ANOS1: variants seen among roughly 807,000 people sequenced by gnomAD.
ANOS1 encodes the protein anosmin-1.
ANOS1 carries 6 observed loss-of-function variants against 59.0 expected under a neutral mutation model. The observed-to-expected ratio is 0.10, with a 90% CI of 0.06 to 0.20. The LOEUF is 0.20. ANOS1 is among the 10% of genes least tolerant of loss of function. The pLI is 1.00. For missense variants in ANOS1, 433 were observed against 542.3 expected (o/e 0.80, Z 2.00); for synonymous variants, 217 against 223.4 (o/e 0.97, Z 0.25).
chrX:8,561,349 G>A lies in ANOS1; in HGVS notation c.1207+6883C>T, dbSNP rs189355961. Among the ~76,000 whole-genome samples the A allele has an allele frequency of 6.0e-3, 665 of 109,934 alleles. 4 individuals are homozygous for A. Among genetic ancestry groups the A allele is most frequent in the Non-Finnish European group, 9.8e-3 (517 of 52,715 alleles). On this transcript the variant is annotated intron_variant, in intron 8 of 13. Coordinates refer to ENST00000262648, the MANE Select transcript of ANOS1 (RefSeq NM_000216.4). Reference sequence around the variant, plus strand: ...GAGTCTCGCTTTGTCACCCAGGCTCGAGTGCAGTGGTGCGATCTCGGCTCA... The same window carrying A: ...GAGTCTCGCTTTGTCACCCAGGCTCAAGTGCAGTGGTGCGATCTCGGCTCA...
intron 10 of ANOS1, among the ~76,000 whole-genome samples, chrX:8,538,476 T>C (rs1929632521): frequency 8.9e-6 from 1 of 112,021 alleles, no homozygotes; most frequent in South Asian, 3.7e-4. Flanking sequence ...GCTCAGCAAA[T>C]AGTTGTTACC....
chrX:8,550,477 G>A (rs1416877096), intron 9 of ANOS1, among the ~76,000 whole-genome samples: 1 of 111,225 alleles, frequency 9.0e-6, no homozygotes, highest in Non-Finnish European at 1.9e-5. Flanking sequence ...AGTTTTTGTG[G>A]AAATCGAAAA....
In ANOS1 at chrX:8,541,519, C is replaced by T. The variant is rs771762689; in HGVS notation, c.1355-1761G>A. Among the ~76,000 whole-genome samples, 4 of 97,692 alleles carry T rather than the reference C, an allele frequency of 4.1e-5. No individual in the cohort carries two copies. In the South Asian group the frequency reaches 2.0e-3, roughly 50 times the overall value. 84.8% of individuals were successfully genotyped at this position (97,692 alleles called of 115,157 possible). A position where few individuals can be genotyped will look rare whatever the true frequency, so the allele number is the denominator to read the frequency against. ...TGCTGATTTTATATAAGGCGGCTGG[C>T]GTGTGTTCAATTCTGAGTCAGGACT... On this transcript the variant is annotated intron_variant, in intron 9 of 13. Transcript: ENST00000262648.
intron 2 of ANOS1, among the ~76,000 whole-genome samples, chrX:8,629,375 T>A (rs1273493697): frequency 8.9e-6 from 1 of 112,216 alleles, no homozygotes; most frequent in African/African-American, 3.2e-5. Flanking sequence ...ATTGAACCCA[T>A]GCTTTAGCAC....
intron 2 of ANOS1, among the ~76,000 whole-genome samples, chrX:8,631,132 C>T (rs1320059662): frequency 8.9e-6 from 1 of 111,852 alleles, no homozygotes; most frequent in Non-Finnish European, 1.9e-5. Context: ...CTTAACACAG[C>T]GAGTTAGAGG....
Position 8,610,043 on chromosome X carries a change from C to T in ANOS1, c.319-12787G>A, listed in dbSNP as rs1383855329. On this transcript the variant is annotated intron_variant, in intron 3 of 13. Coordinates refer to ENST00000262648, the MANE Select transcript of ANOS1 (RefSeq NM_000216.4). Reference sequence around the variant, plus strand: ...AAAAAAAAAAAAAAAAAACAACAACCTTTAAAGAGCACCCATTTTTCTTCA... The same window carrying T: ...AAAAAAAAAAAAAAAAAACAACAACTTTTAAAGAGCACCCATTTTTCTTCA... Among the ~76,000 whole-genome samples, 18 of 75,068 alleles carry T rather than the reference C, an allele frequency of 2.4e-4. 1 individual carries two copies. The highest frequency in any genetic ancestry group is 4.8e-4 in the Admixed American group (3 of 6,275). 65.2% of individuals were successfully genotyped at this position (75,068 alleles called of 115,157 possible). A position where few individuals can be genotyped will look rare whatever the true frequency, so the allele number is the denominator to read the frequency against.
chrX:8,539,743 C>A lies in ANOS1; in HGVS notation c.1370G>T (p.Arg457Leu), dbSNP rs147905733. ...WKKTEDPTVN[R>L]YHVRWFPEAC... is the part of the protein sequence containing the mutation. ...TTCAGGAAACCACCGCACATGATAT[C>A]GGTTGACAGTGGGATCTATAATGCC... Residue 457 changes from arginine (R) to leucine (L), a missense_variant, in exon 10 of 14, where the codon CGA becomes CTA. Arg to Leu is a moderately radical substitution (Grantham distance 102, BLOSUM62 -2). Transcript: ENST00000262648. 1.8e-4 allele frequency: 213 copies of A among 1,208,728 alleles called. No homozygotes were observed. The highest frequency in any genetic ancestry group is 2.3e-4 in the Non-Finnish European group (206 of 895,025).
At chrX:8,685,763 C>A (rs1932513150) in intron 2 of ANOS1, among the ~76,000 whole-genome samples, 1 of 111,563 alleles carries the variant, frequency 9.0e-6, no homozygotes. Context: ...ACAAAGTGCA[C>A]ACTTTAAGTC....
chrX:8,685,516 AAGAG>A (rs772829118), intron 2 of ANOS1, among the ~76,000 whole-genome samples: 4 of 105,046 alleles, frequency 3.8e-5, no homozygotes, highest in Non-Finnish European at 5.8e-5. Context: ...AAGAGAAAGA[AAGAG>A]AAAGAGAGAG....
chrX:8,699,190 C>T (rs896608655), intron 2 of ANOS1, among the ~76,000 whole-genome samples: 15 of 111,281 alleles, frequency 1.3e-4, no homozygotes, highest in Non-Finnish European at 2.6e-4. Context: ...AAATAAGTAA[C>T]ATAATAAAGT....
chrX:8,723,958 A>G (rs1024399949), intron 1 of ANOS1, among the ~76,000 whole-genome samples: 1 of 112,261 alleles, frequency 8.9e-6, no homozygotes, highest in Non-Finnish European at 1.9e-5. Flanking sequence ...AATTCTCAAC[A>G]ATGAGGGAGC....
chrX:8,582,492 AG>A (rs1008311806), intron 6 of ANOS1, among the ~76,000 whole-genome samples: 2 of 111,310 alleles, frequency 1.8e-5, no homozygotes, highest in Admixed American at 9.6e-5. Context: ...GGAAGGAGAA[AG>A]GGGGGGTCAA....
intron 2 of ANOS1, among the ~76,000 whole-genome samples, chrX:8,655,438 G>T (rs2146867321): frequency 9.0e-6 from 1 of 111,720 alleles, no homozygotes; most frequent in African/African-American, 3.3e-5. Flanking sequence ...AATAAGCTTT[G>T]CTTGCTCACC....
chrX:8,698,414 A>G (rs1452655653), intron 2 of ANOS1, among the ~76,000 whole-genome samples: 1 of 112,425 alleles, frequency 8.9e-6, no homozygotes, highest in African/African-American at 3.2e-5. Context: ...AGTATTACCA[A>G]TGTAACAAAT....
intron 6 of ANOS1, among the ~76,000 whole-genome samples, 192 bp from the exon 7 acceptor site, chrX:8,570,896 G>A (rs766493804): frequency 1.8e-5 from 2 of 110,907 alleles, no homozygotes; most frequent in Non-Finnish European, 3.8e-5. Flanking sequence ...CAGATATCTT[G>A]AGCTCAGGAG....
At chrX:8,548,155 C>G (rs1261226274) in intron 9 of ANOS1, among the ~76,000 whole-genome samples, 1 of 112,464 alleles carries the variant, frequency 8.9e-6, no homozygotes, top group African/African-American at 3.2e-5. Flanking sequence ...AAAAGAACAA[C>G]CAGACCTTTC....
At chrX:8,714,392 T>C (rs185305017) in intron 1 of ANOS1, among the ~76,000 whole-genome samples, 90 of 111,853 alleles carry the variant, frequency 8.0e-4, no homozygotes, top group Non-Finnish European at 1.4e-3. Flanking sequence ...TAAGGATTAA[T>C]GTTAAGTTAT....
At chrX:8,571,111 C>CAAA (rs201277459) in intron 6 of ANOS1, among the ~76,000 whole-genome samples, 352 of 55,777 alleles carry the variant, frequency 6.3e-3, no homozygotes, top group Non-Finnish European at 0.011. Flanking sequence ...GACACTGTCT[C>CAAA]AAAAAAAAAA....
At position 8,668,526 on chromosome X, in the gene ANOS1, C is replaced by CAT. The variant is rs59283885; in HGVS notation, c.255+31170_255+31171dup. On this transcript the variant is annotated intron_variant, in intron 2 of 13. Transcript: ENST00000262648. The stretch of plus-strand genomic sequence containing the variant: ...ATTCCATCATATATATATGATAGTC[C>CAT]ATATATATATATATATATGATGGAA... Among the ~76,000 whole-genome samples, 626 of 83,684 alleles carry CAT rather than the reference C, an allele frequency of 7.5e-3. 4 individuals are homozygous for CAT. The highest frequency in any genetic ancestry group is 0.032 in the Admixed American group (222 of 7,047). The allele number at this position is 83,684 out of a possible 115,157, so 72.7% of individuals were successfully genotyped here.
Sources: allele counts gnomAD v4.1 joint callset (sites outside exome capture counted in the v4.1 genomes callset), GRCh38; gene constraint gnomAD v4.1.1; transcripts MANE v1.5; gene names NCBI Gene and HGNC (gene_info 2026-07-23, HGNC 2026-07-21).